Variants in DNAAF3 observed in about 807,000 individuals in gnomAD.
The protein encoded by DNAAF3 is UPF0470 protein C19orf51.
In DNAAF3, 40 loss-of-function variants were observed where a neutral mutation model predicts 50.9. The observed-to-expected ratio is 0.79, with a 90% confidence interval of 0.61 to 1.02. DNAAF3 has a LOEUF of 1.02. DNAAF3 is among the 50% of genes least tolerant of loss of function. The pLI is 0.00. For missense variants in DNAAF3, 763 were observed against 744.7 expected (o/e 1.02, Z -0.29); for synonymous variants, 327 against 322.8 (o/e 1.01, Z -0.14).
rs1599923074 is a variant in DNAAF3 at position 55,161,984 on chromosome 19, C to T, written c.480+149G>A. ...TCCGAAAGCAGAAGCCACCTCCTGC[C>T]CCCAGGCCAAATCCCACAGTGGGAG... is the stretch of plus-strand genomic sequence containing the variant. On this transcript the variant is annotated intron_variant, in intron 5 of 11. Coordinates refer to ENST00000524407, the MANE Select transcript of DNAAF3 (RefSeq NM_001256715.2). This position sits in a 1 kb window ranked among gnomAD's most constrained non-coding sequence, Gnocchi z 6.4. 3.7e-6 allele frequency: 5 copies of T among 1,347,678 alleles called. No homozygotes were observed. The allele number at this position is 1,347,678 out of a possible 1,614,324, so 83.5% of individuals were successfully genotyped here. A position where few individuals can be genotyped will look rare whatever the true frequency, so the allele number is the denominator to read the frequency against.
In DNAAF3 at chr19:55,160,083, ACAGAGCTGGG is replaced by A. The variant is rs919329953; in HGVS notation, c.1049-80_1049-71del. The A allele has an allele frequency of 5.1e-5, 56 of 1,087,694 alleles. No homozygotes were observed. The highest frequency in any genetic ancestry group is 5.1e-4 in the African/African-American group (33 of 64,376). 67.4% of individuals were successfully genotyped at this position (1,087,694 alleles called of 1,614,324 possible). A position where few individuals can be genotyped will look rare whatever the true frequency, so the allele number is the denominator to read the frequency against. ...TAAGGGCGGAAAACCAGAGAGATAC[ACAGAGCTGGG>A]CAGAGCTGGGCAGGCACACAGGACT... On this transcript the variant is annotated intron_variant, in intron 9 of 11. Coordinates refer to ENST00000524407, the MANE Select transcript of DNAAF3 (RefSeq NM_001256715.2). This position sits in a 1 kb window ranked among gnomAD's most constrained non-coding sequence, Gnocchi z 4.7.
At chr19:55,166,684 G>T, upstream of DNAAF3, 1 of 1,591,768 alleles carries the variant, frequency 6.3e-7, no homozygotes, top group Non-Finnish European at 8.6e-7. The surrounding 1 kb of genome is among the most constrained non-coding windows in gnomAD (Gnocchi z 4.0). Flanking sequence ...TGACCAATGA[G>T]AGTGAGCGAG....
At chr19:55,159,808 G>T in intron 10 of DNAAF3, 91 bp downstream of exon 10, 14 of 1,381,426 alleles carry the variant, frequency 1.0e-5, no homozygotes, top group Non-Finnish European at 1.3e-5. Flanking sequence ...TAAGCAAGGA[G>T]GGGCTGGGGG....
At position 55,162,127 on chromosome 19, in the gene DNAAF3, C is replaced by A; in HGVS notation, c.480+6G>T. 8.0e-7 allele frequency: 1 copy of A among 1,246,990 alleles called. No individual in the cohort carries two copies. Among genetic ancestry groups the A allele is most frequent in the East Asian group, 3.1e-5 (1 of 31,896 alleles). The allele number at this position is 1,246,990 out of a possible 1,614,324, so 77.2% of individuals were successfully genotyped here. A position where few individuals can be genotyped will look rare whatever the true frequency, so the allele number is the denominator to read the frequency against. On this transcript the variant is annotated splice_donor_region_variant and intron_variant, in intron 5 of 11. Coordinates refer to ENST00000524407, the MANE Select transcript of DNAAF3 (RefSeq NM_001256715.2). The stretch of plus-strand genomic sequence containing the variant: ...CCGATCCCAGATGGAGGCCGGGCGG[C>A]GGCACCTTGAGGGCGCGGAGGCTGA...
chr19:55,161,190 G>A lies in DNAAF3; in HGVS notation c.790-3C>T. On this transcript the variant is annotated splice_region_variant and splice_polypyrimidine_tract_variant and intron_variant, in intron 7 of 11. Coordinates refer to ENST00000524407, the MANE Select transcript of DNAAF3 (RefSeq NM_001256715.2). This position sits in a 1 kb window ranked among gnomAD's most constrained non-coding sequence, Gnocchi z 6.4. ...CGCGCTGCCACGCGCTCCCCACGCT[G>A]GAAAAGGAGGGAGAGAGGAGGCAGG... The A allele has an allele frequency of 6.3e-7, 1 of 1,577,104 alleles. No individual in the cohort carries two copies. Among genetic ancestry groups the A allele is most frequent in the Non-Finnish European group, 8.6e-7 (1 of 1,160,924 alleles).
Position 55,161,998 on chromosome 19 carries a change from C to A in DNAAF3, c.480+135G>T, listed in dbSNP as rs1324167243. Reference sequence around the variant, plus strand: ...CCACCTCCTGCCCCCAGGCCAAATCCCACAGTGGGAGTCGGGGAACTGGGA... The same window carrying A: ...CCACCTCCTGCCCCCAGGCCAAATCACACAGTGGGAGTCGGGGAACTGGGA... On this transcript the variant is annotated intron_variant, in intron 5 of 11. Transcript: ENST00000524407. The surrounding 1 kb of genome is among the most constrained non-coding windows in gnomAD (Gnocchi z 6.4). The A allele has an allele frequency of 1.5e-6, 2 of 1,343,030 alleles. No homozygotes were observed. The highest frequency in any genetic ancestry group is 3.1e-5 in the African/African-American group (2 of 65,048). 83.2% of individuals were successfully genotyped at this position (1,343,030 alleles called of 1,614,324 possible).
chr19:55,161,187 G>T lies in DNAAF3; in HGVS notation c.790C>A (p.Arg264Ser). The change falls in exon 8 of 12, where the codon CGT becomes AGT. Residue 264 changes from arginine (R) to serine (S), a missense_variant and splice_region_variant. Physicochemically the swap from Arg to Ser is moderately radical, Grantham distance 110. Coordinates refer to ENST00000524407, the MANE Select transcript of DNAAF3 (RefSeq NM_001256715.2). The surrounding 1 kb of genome is among the most constrained non-coding windows in gnomAD (Gnocchi z 6.4). The stretch of plus-strand genomic sequence containing the variant: ...CCGCGCGCTGCCACGCGCTCCCCAC[G>T]CTGGAAAAGGAGGGAGAGAGGAGGC... ...TLASGRLLSY[R>S]GERVAARGYW... 1 of 1,575,922 alleles carries T rather than the reference G, an allele frequency of 6.3e-7. No individual in the cohort carries two copies. Among genetic ancestry groups the T allele is most frequent in the Non-Finnish European group, 8.6e-7 (1 of 1,160,644 alleles).
In DNAAF3 at chr19:55,159,604, C is replaced by A. The variant is rs987811530; in HGVS notation, c.1167G>T (p.Met389Ile). ...CAAGCTCAGGGATGAGAAGATGGACCATACTGCAGAGAGGACGGAGGACAG... is the reference window on the plus strand; with the variant it reads ...CAAGCTCAGGGATGAGAAGATGGACAATACTGCAGAGAGGACGGAGGACAG... Reference protein sequence around the residue: ...RFQLLYVACGMVHLLIPELGA... With the variant: ...RFQLLYVACGIVHLLIPELGA... Residue 389 changes from methionine to isoleucine, a missense_variant, in exon 11 of 12, where the codon ATG becomes ATT. Physicochemically the swap from Met to Ile is conservative, Grantham distance 10. Transcript: ENST00000524407. 1.9e-6 allele frequency: 3 copies of A among 1,612,232 alleles called. No homozygotes were observed. Among genetic ancestry groups the A allele is most frequent in the Non-Finnish European group, 2.5e-6 (3 of 1,179,296 alleles).
In DNAAF3 at chr19:55,160,794, T is replaced by C. The variant is rs773736487; in HGVS notation, c.913-19A>G. 1 of 1,602,836 alleles carries C rather than the reference T, an allele frequency of 6.2e-7. No individual in the cohort carries two copies. Among genetic ancestry groups the C allele is most frequent in the East Asian group, 2.2e-5 (1 of 44,748 alleles). On this transcript the variant is annotated intron_variant, in intron 8 of 11. Coordinates refer to ENST00000524407, the MANE Select transcript of DNAAF3 (RefSeq NM_001256715.2). The surrounding 1 kb of genome is among the most constrained non-coding windows in gnomAD (Gnocchi z 4.7). ...CGGCCGTCTAACAGTAGAAGGGGCGTGGCCAGACGTCGGGGCCAGGATGGC... is the reference window on the plus strand; with the variant it reads ...CGGCCGTCTAACAGTAGAAGGGGCGCGGCCAGACGTCGGGGCCAGGATGGC...
chr19:55,165,692 C>G (rs1210389152), intron 3 of DNAAF3, 166 bp downstream of exon 3: 5 of 1,265,990 alleles, frequency 3.9e-6, no homozygotes, highest in Non-Finnish European at 5.4e-6. Flanking sequence ...TTCCAAACCC[C>G]AGCCCCTTCC....
At position 55,161,570 on chromosome 19, in the gene DNAAF3, T is replaced by C. The variant is rs2085833021; in HGVS notation, c.663+73A>G. The C allele has an allele frequency of 6.8e-7, 1 of 1,463,140 alleles. No homozygotes were observed. Among genetic ancestry groups the C allele is most frequent in the Admixed American group, 2.4e-5 (1 of 41,226 alleles). 90.6% of individuals were successfully genotyped at this position (1,463,140 alleles called of 1,614,324 possible). ...GCCCCCAAACCCTCCTCCCTCAGAC[T>C]CAGGAGGCCCCCAGCCCCTCCTCCC... On this transcript the variant is annotated intron_variant, in intron 6 of 11. Transcript: ENST00000524407. This position sits in a 1 kb window ranked among gnomAD's most constrained non-coding sequence, Gnocchi z 6.4.
At position 55,161,375 on chromosome 19, in the gene DNAAF3, G is replaced by A; in HGVS notation, c.707C>T (p.Thr236Ile). The A allele has an allele frequency of 6.4e-7, 1 of 1,567,080 alleles. No individual in the cohort carries two copies. Among genetic ancestry groups the A allele is most frequent in the Non-Finnish European group, 8.7e-7 (1 of 1,151,966 alleles). ...HPQEFRRWRD[T>I]GVAFELRDSS... ...GTCCCTGAGTTCAAAGGCGACGCCT[G>A]TGTCCCGCCAGCGTCGGAACTCCTG... Residue 236 changes from threonine to isoleucine, a missense_variant, in exon 7 of 12, where the codon ACA (threonine) becomes ATA (isoleucine). By Grantham distance (89) the Thr-to-Ile change is moderately conservative. Transcript: ENST00000524407. The surrounding 1 kb of genome is among the most constrained non-coding windows in gnomAD (Gnocchi z 6.4).
chr19:55,160,014 C>A lies in DNAAF3; in HGVS notation c.1049-1G>T. Reference sequence around the variant, plus strand: ...GTGAAAGATTCCGGGGTCGGGGCTGCTGGGGGAAGGGGATAGAGGGGTCAC... The same window carrying A: ...GTGAAAGATTCCGGGGTCGGGGCTGATGGGGGAAGGGGATAGAGGGGTCAC... On this transcript the variant is annotated splice_acceptor_variant, in intron 9 of 11. Coordinates refer to ENST00000524407, the MANE Select transcript of DNAAF3 (RefSeq NM_001256715.2). LOFTEE classifies it high-confidence loss of function. The surrounding 1 kb of genome is among the most constrained non-coding windows in gnomAD (Gnocchi z 4.7). The A allele has an allele frequency of 7.4e-7, 1 of 1,359,678 alleles. No homozygotes were observed. The allele number at this position is 1,359,678 out of a possible 1,614,324, so 84.2% of individuals were successfully genotyped here. A position where few individuals can be genotyped will look rare whatever the true frequency, so the allele number is the denominator to read the frequency against.
rs1045752118 is a variant in DNAAF3 at position 55,161,909 on chromosome 19, C to T, written c.481-84G>A. 1.5e-5 allele frequency: 20 copies of T among 1,342,956 alleles called. No individual in the cohort carries two copies. The highest frequency in any genetic ancestry group is 3.6e-5 in the Admixed American group (1 of 27,460). The allele number at this position is 1,342,956 out of a possible 1,614,324, so 83.2% of individuals were successfully genotyped here. On this transcript the variant is annotated intron_variant, in intron 5 of 11. Transcript: ENST00000524407. This position sits in a 1 kb window ranked among gnomAD's most constrained non-coding sequence, Gnocchi z 6.4. ...GATTCTAATTGACCCTCTCTTCCAT[C>T]CCAGAACAGGGGAACGATTCCCCCG...
Position 55,161,178 on chromosome 19 carries a change from G to A in DNAAF3, c.799C>T (p.Arg267Cys), listed in dbSNP as rs778639028. Residue 267 changes from arginine (R) to cysteine (C), a missense_variant, in exon 8 of 12, where the codon CGC becomes TGC. By Grantham distance (180) the Arg-to-Cys change is radical. Transcript: ENST00000524407. The surrounding 1 kb of genome is among the most constrained non-coding windows in gnomAD (Gnocchi z 6.4). ...CCCCAGTACCCGCGCGCTGCCACGC[G>A]CTCCCCACGCTGGAAAAGGAGGGAG... ...SGRLLSYRGE[R>C]VAARGYWGDI... 1.3e-6 allele frequency: 2 copies of A among 1,569,822 alleles called. No homozygotes were observed. Among genetic ancestry groups the A allele is most frequent in the Non-Finnish European group, 1.7e-6 (2 of 1,157,702 alleles).
rs2085802938 is a variant in DNAAF3 at position 55,160,554 on chromosome 19, C to T, written c.1048+86G>A. 6.3e-7 allele frequency: 1 copy of T among 1,590,342 alleles called. No individual in the cohort carries two copies. Among genetic ancestry groups the T allele is most frequent in the Non-Finnish European group, 8.5e-7 (1 of 1,171,136 alleles). On this transcript the variant is annotated intron_variant, in intron 9 of 11. Transcript: ENST00000524407. This position sits in a 1 kb window ranked among gnomAD's most constrained non-coding sequence, Gnocchi z 4.7. ...ATCAAGAAGCCGTCACTTGCCCAGG[C>T]ATTCCAAATCATGTCAGTCCACACT...
chr19:55,165,840 A>G lies in DNAAF3; in HGVS notation c.228+18T>C, dbSNP rs752341373. ...CAAGGACTCGGGAATCTGGGCTCTC[A>G]TCTTCATCCCAGCTCACGTTGAACC... On this transcript the variant is annotated intron_variant, in intron 3 of 11. Transcript: ENST00000524407. 6.2e-7 allele frequency: 1 copy of G among 1,612,332 alleles called. No individual in the cohort carries two copies. The highest frequency in any genetic ancestry group is 1.3e-5 in the African/African-American group (1 of 74,850).
rs2085836134 is a variant in DNAAF3, at chr19:55,161,664, G to A, written c.642C>T (p.Arg214=). 1 of 1,538,984 alleles carries A rather than the reference G, an allele frequency of 6.5e-7. No homozygotes were observed. Among genetic ancestry groups the A allele is most frequent in the South Asian group, 1.2e-5 (1 of 83,910 alleles). ...TCACCCCGCGGTCATGCAGCTTCAT[G>A]CGCAGGTCCCAGTCGCTGACACCGC... The part of the protein sequence containing the change: ...ARRGVSDWDL[R]MKLHDRGAQV... Residue 214 remains arginine (R), a synonymous_variant, in exon 6 of 12, where the codon CGC becomes CGT. Transcript: ENST00000524407. The surrounding 1 kb of genome is among the most constrained non-coding windows in gnomAD (Gnocchi z 6.4).
chr19:55,165,950 C>G lies in DNAAF3; in HGVS notation c.136G>C (p.Glu46Gln). The G allele has an allele frequency of 6.2e-7, 1 of 1,614,212 alleles. No homozygotes were observed. Among genetic ancestry groups the G allele is most frequent in the Non-Finnish European group, 8.5e-7 (1 of 1,180,050 alleles). Residue 46 changes from glutamate to glutamine, a missense_variant, in exon 3 of 12, where the codon GAG becomes CAG. Physicochemically the swap from Glu to Gln is conservative, Grantham distance 29 (BLOSUM62 2). Coordinates refer to ENST00000524407, the MANE Select transcript of DNAAF3 (RefSeq NM_001256715.2). Reference sequence around the variant, plus strand: ...GAGCCCAGAAGCAGCACATCTAGCTCGGGGTTGCTGTGCACTGTATCGGCC... The same window carrying G: ...GAGCCCAGAAGCAGCACATCTAGCTGGGGGTTGCTGTGCACTGTATCGGCC... ...SQADTVHSNP[E>Q]LDVLLLGSVD...
Sources: allele counts gnomAD v4.1 joint callset, GRCh38; gene constraint gnomAD v4.1.1; non-coding constraint Gnocchi (gnomAD v3.1); transcripts MANE v1.5; gene names NCBI Gene and HGNC (gene_info 2026-07-23, HGNC 2026-07-21).